The following TBL1X variants were observed in gnomAD, a reference collection of about 807,000 sequenced individuals.
TBL1X encodes transducin beta like 1 X-linked.
A neutral mutation model predicts 50.7 loss-of-function variants in TBL1X; 10 were observed. That is an observed-to-expected ratio of 0.20 (90% CI 0.12 to 0.33). The LOEUF (loss-of-function observed/expected upper bound fraction) is 0.33. Ranked by LOEUF, TBL1X falls within the 10% of genes least tolerant of loss-of-function variation. The pLI, the probability that TBL1X is intolerant of heterozygous loss-of-function variation, is 1.00. For missense variants in TBL1X, 340 were observed against 504.4 expected (o/e 0.67, Z 3.12); for synonymous variants, 190 against 214.7 (o/e 0.88, Z 1.01).
chrX:9,607,270 C>T (rs1472568690), intron 2 of TBL1X, among the ~76,000 whole-genome samples: 1 of 113,045 alleles, frequency 8.8e-6, no homozygotes, highest in Non-Finnish European at 1.9e-5. Context: ...CAGTTCTGGA[C>T]ACTCGGCCTG....
rs1384842589 is a variant in TBL1X, at chrX:9,693,210, A to G, written c.953A>G (p.Asp318Gly). 1.7e-6 allele frequency: 2 copies of G among 1,211,649 alleles called. No homozygotes were observed. Among genetic ancestry groups the G allele is most frequent in the Non-Finnish European group, 2.2e-6 (2 of 895,470 alleles). The change falls in exon 10 of 18, where the codon GAT becomes GGT. Residue 318 changes from aspartate (D) to glycine (G), a missense_variant and splice_region_variant. Around this residue, in one of 6 missense-constraint regions of TBL1X, gnomAD observed 170 missense variants for 272.6 expected, o/e 0.62. Coordinates refer to ENST00000645353, the MANE Select transcript of TBL1X (RefSeq NM_005647.4). ...YDGFARIWTEDGNLASTLGQH... is the reference protein window; with the variant it reads ...YDGFARIWTEGGNLASTLGQH... ...GGTTTTGCAAGAATATGGACGGAAGATGGTGAGTTCTGTGTCCCTCGTGCT... is the reference window on the plus strand; with the variant it reads ...GGTTTTGCAAGAATATGGACGGAAGGTGGTGAGTTCTGTGTCCCTCGTGCT...
At chrX:9,597,292 C>T (rs762546567) in intron 2 of TBL1X, among the ~76,000 whole-genome samples, 49 of 111,290 alleles carry the variant, frequency 4.4e-4, no homozygotes, top group African/African-American at 1.5e-3. Flanking sequence ...ATGCGGAGAA[C>T]GGGCAGGGTG....
intron 16 of TBL1X, among the ~76,000 whole-genome samples, chrX:9,713,689 A>G (rs1189753787): frequency 3.6e-5 from 4 of 110,981 alleles, no homozygotes; most frequent in Non-Finnish European, 7.5e-5. Flanking sequence ...CGGCCTCCCA[A>G]AGTGCTGGGA....
intron 1 of TBL1X, among the ~76,000 whole-genome samples, chrX:9,476,193 A>C (rs2081848734): frequency 8.9e-6 from 1 of 112,421 alleles, no homozygotes; most frequent in African/African-American, 3.2e-5. Context: ...CCCTCTCCAG[A>C]GACCAATGCA....
intron 2 of TBL1X, among the ~76,000 whole-genome samples, chrX:9,574,377 C>A (rs6640453): frequency 9.7e-6 from 1 of 102,951 alleles, no homozygotes; most frequent in Non-Finnish European, 2.0e-5. Flanking sequence ...TTGCTTGAGC[C>A]TAAGAGTTCG....
intron 5 of TBL1X, among the ~76,000 whole-genome samples, chrX:9,658,973 A>T (rs1450595439): frequency 9.0e-6 from 1 of 110,697 alleles, no homozygotes; most frequent in African/African-American, 3.3e-5. Context: ...AATTATGCCC[A>T]GCTAATTTCT....
chrX:9,470,170 C>T (rs894491982), intron 1 of TBL1X, among the ~76,000 whole-genome samples: 11 of 112,489 alleles, frequency 9.8e-5, no homozygotes, highest in African/African-American at 3.5e-4. Context: ...TTGATATAGT[C>T]GTGCAGTGTA....
At chrX:9,525,033 CTG>C (rs1336186909) in intron 2 of TBL1X, among the ~76,000 whole-genome samples, 1 of 111,811 alleles carries the variant, frequency 8.9e-6, no homozygotes, top group African/African-American at 3.3e-5. Context: ...AGTGGGTTGG[CTG>C]TTGGAGCCCA....
rs183059992 is a variant in TBL1X, at chrX:9,691,158, G to A, written c.617-421G>A. On this transcript the variant is annotated intron_variant, in intron 7 of 17. Coordinates refer to ENST00000645353, the MANE Select transcript of TBL1X (RefSeq NM_005647.4). Reference sequence around the variant, plus strand: ...TCGTTAGAATCATCAGAGGTAGGCCGGGCGTGGTGGCTCACGCCTGTAATT... The same window carrying A: ...TCGTTAGAATCATCAGAGGTAGGCCAGGCGTGGTGGCTCACGCCTGTAATT... Among the ~76,000 whole-genome samples, 155 of 111,807 alleles carry A rather than the reference G, an allele frequency of 1.4e-3. 1 individual carries two copies. The highest frequency in any genetic ancestry group is 4.8e-3 in the African/African-American group (148 of 30,814).
At chrX:9,502,925 C>CA (rs2082008483) in intron 2 of TBL1X, among the ~76,000 whole-genome samples, 1 of 112,483 alleles carries the variant, frequency 8.9e-6, no homozygotes. Context: ...CTGCAGAACT[C>CA]ACGAAGGTCA....
intron 2 of TBL1X, among the ~76,000 whole-genome samples, chrX:9,520,359 C>G (rs1472664536): frequency 9.0e-6 from 1 of 111,099 alleles, no homozygotes; most frequent in Non-Finnish European, 1.9e-5. Flanking sequence ...AGACACAAGG[C>G]AGAGGTGTAA....
intron 16 of TBL1X, among the ~76,000 whole-genome samples, chrX:9,714,302 T>TA (rs764823162): frequency 8.9e-6 from 1 of 112,567 alleles, no homozygotes; most frequent in Non-Finnish European, 1.9e-5. Flanking sequence ...AATCATGAAT[T>TA]ACAGTCAATT....
intron 2 of TBL1X, among the ~76,000 whole-genome samples, chrX:9,509,365 C>CA (rs35090230): frequency 0.026 from 1,296 of 50,218 alleles, 74 homozygotes; most frequent in African/African-American, 0.084. Flanking sequence ...GACTCTGTCT[C>CA]AAAAAAAAAA....
chrX:9,572,529 T>C (rs943014286), intron 2 of TBL1X, among the ~76,000 whole-genome samples: 1 of 113,016 alleles, frequency 8.8e-6, no homozygotes, highest in African/African-American at 3.2e-5. Flanking sequence ...ATTCTGAAAT[T>C]GTGGTGTCTG....
In TBL1X at chrX:9,659,073, C is replaced by CT. The variant is rs765288906; in HGVS notation, c.211+4751_211+4752insT. Among the ~76,000 whole-genome samples, 3 of 111,546 alleles carry CT rather than the reference C, an allele frequency of 2.7e-5. No homozygotes were observed. The Admixed American group carries it at 2.8e-4, about 11-fold the overall frequency. On this transcript the variant is annotated intron_variant, in intron 5 of 17. Coordinates refer to ENST00000645353, the MANE Select transcript of TBL1X (RefSeq NM_005647.4). ...CTCCTGGGTTCAAGAGATCCTCCCC[C>CT]CCGGCCTCATAAAGTGCTGGCATTA...
intron 2 of TBL1X, among the ~76,000 whole-genome samples, chrX:9,576,457 G>GAT (rs2082412282): frequency 8.9e-6 from 1 of 112,240 alleles, no homozygotes; most frequent in Non-Finnish European, 1.9e-5. Flanking sequence ...ATCTTGCTTA[G>GAT]ATGAATAATT....
intron 2 of TBL1X, among the ~76,000 whole-genome samples, chrX:9,540,181 T>TA (rs1385016909): frequency 8.9e-6 from 1 of 112,309 alleles, no homozygotes; most frequent in Non-Finnish European, 1.9e-5. Flanking sequence ...ACTGAACACT[T>TA]ATGCGTTAGC....
At chrX:9,682,160 C>A (rs2083029225) in intron 5 of TBL1X, among the ~76,000 whole-genome samples, 1 of 112,138 alleles carries the variant, frequency 8.9e-6, no homozygotes, top group Non-Finnish European at 1.9e-5. Flanking sequence ...AGAATAGAGT[C>A]GTTGGTGAAC....
upstream of TBL1X, among the ~76,000 whole-genome samples, chrX:9,464,403 C>G (rs765770948): frequency 9.0e-6 from 1 of 111,405 alleles, no homozygotes; most frequent in Non-Finnish European, 1.9e-5. Context: ...TCTGGCTCTT[C>G]TTGGGAGGTG....
Sources: gnomAD v4.1 joint callset for allele counts (sites outside exome capture counted in the v4.1 genomes callset) on GRCh38, gnomAD v4.1.1 for gene constraint, gnomAD v4.1.1 regional missense constraint, MANE v1.5 for transcripts, NCBI Gene and HGNC (gene_info 2026-07-23, HGNC 2026-07-21) for gene names.